The following TBC1D1 variants were observed in gnomAD, a reference collection of about 807,000 sequenced individuals.
TBC1D1 encodes the protein TBC1 domain family member 1, also known as TBC1 (tre-2/USP6, BUB2, cdc16) domain family, member 1.
A neutral mutation model predicts 125.6 loss-of-function variants in TBC1D1; 89 were observed. That is an observed-to-expected ratio of 0.71 (90% CI 0.60 to 0.85). The LOEUF (loss-of-function observed/expected upper bound fraction) is 0.85. TBC1D1 is among the 40% of genes least tolerant of loss of function. The probability of loss-of-function intolerance (pLI) is 0.00; values close to 1 mark genes in which losing one functional copy is unlikely to be tolerated. For synonymous variants in TBC1D1, 565 were observed against 564.1 expected, an observed-to-expected ratio of 1.00 and a Z score of -0.02; for missense variants, 1,377 against 1,469.2, an observed-to-expected ratio of 0.94 and a Z score of 1.03.
At chr4:38,039,013 T>C (rs1747779339) in intron 8 of TBC1D1, among the ~76,000 whole-genome samples, 1 of 148,492 alleles carries the variant, frequency 6.7e-6, no homozygotes, top group South Asian at 2.2e-4. Flanking sequence ...CAGTCCTCAC[T>C]ACCCCTTCCC....
intron 15 of TBC1D1, among the ~76,000 whole-genome samples, chr4:38,108,153 T>C (rs927478867): frequency 3.9e-4 from 60 of 152,282 alleles, no homozygotes; most frequent in African/African-American, 1.4e-3. Context: ...CTGCCCAGCA[T>C]CCTGTCTTCT....
At chr4:37,970,302 T>C (rs921833278) in intron 2 of TBC1D1, among the ~76,000 whole-genome samples, 1 of 152,240 alleles carries the variant, frequency 6.6e-6, no homozygotes, top group Admixed American at 6.5e-5. Flanking sequence ...TTGGCAAATA[T>C]GGGTTTCTTT....
At chr4:37,893,079 G>A (rs2152200855) in intron 1 of TBC1D1, among the ~76,000 whole-genome samples, 1 of 152,322 alleles carries the variant, frequency 6.6e-6, no homozygotes, top group East Asian at 1.9e-4. Flanking sequence ...TACCTCTTCT[G>A]TGTTCACAGC....
chr4:37,906,930 C>A (rs989171805), intron 2 of TBC1D1, among the ~76,000 whole-genome samples: 1 of 152,124 alleles, frequency 6.6e-6, no homozygotes, highest in African/African-American at 2.4e-5. Context: ...GTTATATCTA[C>A]TAATATGTAC....
chr4:38,136,469 TTGTTCCTCTAGACA>T (rs1766637257), intron 19 of TBC1D1, among the ~76,000 whole-genome samples: 1 of 152,196 alleles, frequency 6.6e-6, no homozygotes, highest in African/African-American at 2.4e-5. Flanking sequence ...TAGTGATGTC[TTGTTCCTCTAGACA>T]TCACTAACTT....
chr4:37,960,484 G>A lies in TBC1D1; in HGVS notation c.418-54025G>A, dbSNP rs570911726. On this transcript the variant is annotated intron_variant, in intron 2 of 19. Transcript: ENST00000261439. The stretch of plus-strand genomic sequence containing the variant: ...AAGGAAATTGGAGAACCAGGCACCC[G>A]TGTGGCTGCCAAGGATGTGCTGAAG... 2.0e-5 allele frequency: 32 copies of A among 1,614,056 alleles called. No individual in the cohort carries two copies. The highest frequency in any genetic ancestry group is 8.0e-5 in the African/African-American group (6 of 75,030).
At chr4:37,918,649 T>C (rs2152268616) in intron 2 of TBC1D1, among the ~76,000 whole-genome samples, 1 of 152,308 alleles carries the variant, frequency 6.6e-6, no homozygotes, top group Admixed American at 6.5e-5. Context: ...GTTTTCACCA[T>C]GTTTGCCAGG....
rs778869234 is a variant in TBC1D1, at chr4:38,065,901, C to T, written c.2050+11563C>T. On this transcript the variant is annotated intron_variant, in intron 12 of 19. Coordinates refer to ENST00000261439, the MANE Select transcript of TBC1D1 (RefSeq NM_015173.4). ...CTGACCTCAGGTGATCCGCCCACCT[C>T]GGCCTCCCAAAGTGCTGGGATTATA... Among the ~76,000 whole-genome samples, 6 of 152,184 alleles carry T rather than the reference C, an allele frequency of 3.9e-5. No homozygotes were observed. The South Asian group carries it at 8.3e-4, about 21-fold the overall frequency.
intron 2 of TBC1D1, among the ~76,000 whole-genome samples, chr4:37,927,907 G>C (rs1722453348): frequency 6.6e-6 from 1 of 152,100 alleles, no homozygotes; most frequent in South Asian, 2.1e-4. Context: ...GCAAATCCCT[G>C]TTTCTGAAAA....
At chr4:38,131,431 T>C (rs559974753) in intron 18 of TBC1D1, among the ~76,000 whole-genome samples, 1 of 152,330 alleles carries the variant, frequency 6.6e-6, no homozygotes, top group South Asian at 2.1e-4. Flanking sequence ...GTGGCATCCA[T>C]TGATGATGGT....
chr4:37,903,088 C>G (rs1284363003), intron 2 of TBC1D1, among the ~76,000 whole-genome samples: 1 of 152,172 alleles, frequency 6.6e-6, no homozygotes, highest in African/African-American at 2.4e-5. Context: ...AGGCAAAGGT[C>G]ATTGATAAGA....
chr4:38,052,728 G>GCGCACACACACA (rs1491148206), intron 11 of TBC1D1, among the ~76,000 whole-genome samples: 72 of 118,342 alleles, frequency 6.1e-4, no homozygotes, highest in African/African-American at 2.0e-3. Context: ...GCGCGCGCGC[G>GCGCACACACACA]CACACACACA....
intron 2 of TBC1D1, among the ~76,000 whole-genome samples, chr4:37,943,453 C>T (rs1726002403): frequency 6.6e-6 from 1 of 152,184 alleles, no homozygotes; most frequent in Admixed American, 6.5e-5. Flanking sequence ...TTCCATTCTC[C>T]CCATCACTTT....
At chr4:38,009,026 A>G (rs1476727520) in intron 2 of TBC1D1, among the ~76,000 whole-genome samples, 1 of 152,218 alleles carries the variant, frequency 6.6e-6, no homozygotes. Context: ...TTCTGTTTAA[A>G]TGATTTAAGT....
intron 17 of TBC1D1, among the ~76,000 whole-genome samples, chr4:38,121,181 G>A (rs754918654): frequency 6.6e-6 from 1 of 152,120 alleles, no homozygotes; most frequent in African/African-American, 2.4e-5. Context: ...CCCTTTACCC[G>A]TTACTCATAG....
At chr4:38,119,125 G>A (rs1006073183) in intron 17 of TBC1D1, among the ~76,000 whole-genome samples, 2 of 152,006 alleles carry the variant, frequency 1.3e-5, no homozygotes, top group Non-Finnish European at 1.5e-5. Flanking sequence ...TCACTTGACA[G>A]CTTAAAAACA....
At chr4:38,073,721 C>T (rs1279893397) in intron 12 of TBC1D1, among the ~76,000 whole-genome samples, 1 of 152,072 alleles carries the variant, frequency 6.6e-6, no homozygotes, top group African/African-American at 2.4e-5. Flanking sequence ...GATAGCCCCA[C>T]CTTGTAGTTA....
intron 1 of TBC1D1, among the ~76,000 whole-genome samples, chr4:37,896,113 G>C: frequency 6.6e-6 from 1 of 152,146 alleles, no homozygotes; most frequent in East Asian, 1.9e-4. Flanking sequence ...GGGACTTCCT[G>C]TCCATTCTGG....
intron 6 of TBC1D1, among the ~76,000 whole-genome samples, chr4:38,024,131 A>G (rs1402472040): frequency 2.6e-5 from 4 of 152,262 alleles, no homozygotes; most frequent in African/African-American, 4.8e-5. Flanking sequence ...GCTCTTTAAA[A>G]TGAAGAAACA....
Sources: allele counts gnomAD v4.1 joint callset (sites outside exome capture counted in the v4.1 genomes callset), GRCh38; gene constraint gnomAD v4.1.1; transcripts MANE v1.5; gene names NCBI Gene and HGNC (gene_info 2026-07-23, HGNC 2026-07-21).